Variants in CEP112 observed in about 807,000 individuals in gnomAD.
CEP112 encodes the protein centrosomal protein of 112 kDa.
CEP112 carries 127 observed loss-of-function variants against 153.0 expected under a neutral mutation model. The observed-to-expected ratio is 0.83, with a 90% confidence interval of 0.72 to 0.96. CEP112 has a LOEUF of 0.96. CEP112 is among the 40% of genes least tolerant of loss of function. The probability of loss-of-function intolerance (pLI) is 0.00; values close to 1 mark genes in which losing one functional copy is unlikely to be tolerated. For missense variants in CEP112, 1,089 were observed against 1,101.2 expected (o/e 0.99, Z 0.16); for synonymous variants, 358 against 374.4 (o/e 0.96, Z 0.51).
chr17:65,870,609 C>T (rs2058643106), intron 20 of CEP112, among the ~76,000 whole-genome samples: 1 of 152,140 alleles, frequency 6.6e-6, no homozygotes, highest in Non-Finnish European at 1.5e-5. Context: ...CTTCAAATTG[C>T]ACTTTTAATA....
intron 17 of CEP112, among the ~76,000 whole-genome samples, chr17:65,987,271 A>G (rs1354475954): frequency 6.6e-6 from 1 of 152,118 alleles, no homozygotes; most frequent in African/African-American, 2.4e-5. Flanking sequence ...GAAAAGAAGC[A>G]AAAATGCAGA....
intron 1 of CEP112, among the ~76,000 whole-genome samples, chr17:66,183,563 AT>A (rs1172053014): frequency 9.8e-5 from 15 of 152,316 alleles, no homozygotes; most frequent in African/African-American, 3.4e-4. Context: ...GAGAACTCAC[AT>A]TACCAGATTT....
chr17:66,062,963 CTT>C lies in CEP112; in HGVS notation c.1072_1073del (p.Lys358AlafsTer14). ...TCCATTAGTATTTTATGTAGCTTAC[CTT>C]TTTTTCCCAGTCATTATTTAGAGAT... ...TESLNNDWEK[K>X]LHNAVAEMEQ... On this transcript the variant is annotated frameshift_variant and splice_region_variant, in exon 11 of 27. Coordinates refer to ENST00000535342, the MANE Select transcript of CEP112 (RefSeq NM_001199165.4). LOFTEE classifies it high-confidence loss of function. 1 of 1,502,154 alleles carries C rather than the reference CTT, an allele frequency of 6.7e-7. No homozygotes were observed. The highest frequency in any genetic ancestry group is 1.3e-5 in the South Asian group (1 of 79,276). 93.1% of individuals were successfully genotyped at this position (1,502,154 alleles called of 1,614,324 possible).
chr17:66,147,193 C>T (rs916159906), intron 4 of CEP112, among the ~76,000 whole-genome samples: 1 of 152,078 alleles, frequency 6.6e-6, no homozygotes, highest in Non-Finnish European at 1.5e-5. Flanking sequence ...AGTAGCCATC[C>T]TCATGGATGT....
intron 22 of CEP112, among the ~76,000 whole-genome samples, chr17:65,748,924 G>A (rs981036050): frequency 4.6e-5 from 7 of 151,922 alleles, no homozygotes; most frequent in East Asian, 1.9e-4. Flanking sequence ...TCTCACTCTC[G>A]GTCTGCTTCC....
rs138915178 is a variant in CEP112 at position 65,757,132 on chromosome 17, G to C, written c.2395-6408C>G. ...GCAAGAATGTAGCAAGAGGCCTCAG[G>C]AAAGCAATCCTGATACCACCTTGAT... On this transcript the variant is annotated intron_variant, in intron 21 of 26. Transcript: ENST00000535342. Among the ~76,000 whole-genome samples, 5 of 152,260 alleles carry C rather than the reference G, an allele frequency of 3.3e-5. No individual in the cohort carries two copies. In the East Asian group the frequency reaches 7.7e-4, roughly 24 times the overall value.
intron 6 of CEP112, among the ~76,000 whole-genome samples, chr17:66,108,646 C>T (rs949791436): frequency 1.3e-5 from 2 of 152,016 alleles, no homozygotes; most frequent in Admixed American, 6.6e-5. Context: ...GAAAATGAAA[C>T]CTTTGTACAG....
At chr17:66,111,627 T>C (rs1481961142) in intron 6 of CEP112, among the ~76,000 whole-genome samples, 1 of 152,160 alleles carries the variant, frequency 6.6e-6, no homozygotes, top group African/African-American at 2.4e-5. Context: ...AAATATTGTA[T>C]GTTCTCACTT....
chr17:65,731,365 T>C (rs2050498705), intron 23 of CEP112, among the ~76,000 whole-genome samples: 1 of 152,220 alleles, frequency 6.6e-6, no homozygotes, highest in Non-Finnish European at 1.5e-5. Flanking sequence ...TAGCATTATG[T>C]CTAAAAGAAC....
chr17:66,087,232 GT>G (rs1042746466), intron 8 of CEP112, among the ~76,000 whole-genome samples: 18 of 152,108 alleles, frequency 1.2e-4, no homozygotes, highest in African/African-American at 4.1e-4. Context: ...AGCTTTAAAT[GT>G]TTTTTCTTTG....
intron 23 of CEP112, among the ~76,000 whole-genome samples, chr17:65,735,980 A>G (rs1002082623): frequency 6.6e-6 from 1 of 152,196 alleles, no homozygotes; most frequent in African/African-American, 2.4e-5. Context: ...ATGAATTTTA[A>G]GAAAAAACAA....
chr17:65,970,584 C>T (rs1296485997), intron 17 of CEP112, among the ~76,000 whole-genome samples: 5 of 152,046 alleles, frequency 3.3e-5, no homozygotes, highest in Non-Finnish European at 5.9e-5. Context: ...AAATTGCGTG[C>T]ATTTTATATA....
intron 20 of CEP112, among the ~76,000 whole-genome samples, chr17:65,875,604 A>T (rs972915913): frequency 6.6e-6 from 1 of 152,158 alleles, no homozygotes; most frequent in African/African-American, 2.4e-5. Context: ...TTGTGTCACA[A>T]TTTTTAATTC....
At chr17:65,647,904 A>G (rs1426565267) in intron 24 of CEP112, among the ~76,000 whole-genome samples, 1 of 152,118 alleles carries the variant, frequency 6.6e-6, no homozygotes, top group African/African-American at 2.4e-5. Flanking sequence ...CTATGAAACA[A>G]TCTGGCCTTA....
intron 18 of CEP112, among the ~76,000 whole-genome samples, chr17:65,955,312 C>T (rs577197892): frequency 3.3e-5 from 5 of 152,160 alleles, no homozygotes; most frequent in Middle Eastern, 3.4e-3. Context: ...AAAACAAATG[C>T]GGAGAGAATT....
intron 21 of CEP112, among the ~76,000 whole-genome samples, chr17:65,833,511 G>C (rs2057174420): frequency 1.3e-5 from 2 of 152,240 alleles, no homozygotes; most frequent in South Asian, 4.2e-4. Flanking sequence ...AAAATTTTAG[G>C]ATGTAAAATC....
intron 24 of CEP112, among the ~76,000 whole-genome samples, chr17:65,679,378 G>A (rs9897525): frequency 2.6e-5 from 4 of 151,680 alleles, no homozygotes; most frequent in Non-Finnish European, 2.9e-5. Flanking sequence ...AAACAAACCA[G>A]AATAATAACC....
chr17:66,024,531 T>A (rs1205718827), intron 16 of CEP112, among the ~76,000 whole-genome samples: 1 of 151,558 alleles, frequency 6.6e-6, no homozygotes, highest in East Asian at 1.9e-4. Flanking sequence ...AAAAACAAGC[T>A]GAGAACCAAA....
intron 24 of CEP112, 33 bp downstream of exon 24, chr17:65,689,096 A>C: frequency 6.8e-7 from 1 of 1,474,924 alleles, no homozygotes; most frequent in South Asian, 1.1e-5. Flanking sequence ...AGAGAAAGTA[A>C]ACAAGAGAGT....
Sources: gnomAD v4.1 joint callset for allele counts (sites outside exome capture counted in the v4.1 genomes callset) on GRCh38, gnomAD v4.1.1 for gene constraint, MANE v1.5 for transcripts, NCBI Gene and HGNC (gene_info 2026-07-23, HGNC 2026-07-21) for gene names.